The following SLC47A1 variants were observed in gnomAD, a reference collection of about 807,000 sequenced individuals.
SLC47A1 encodes solute carrier family 47 member 1.
In SLC47A1, 58 loss-of-function variants were observed where a neutral mutation model predicts 65.8. The observed-to-expected ratio is 0.88, with a 90% CI of 0.71 to 1.10. SLC47A1 has a LOEUF of 1.10. SLC47A1 is among the 50% of genes least tolerant of loss of function. The pLI is 0.00. For synonymous variants in SLC47A1, 285 were observed against 295.0 expected, an observed-to-expected ratio of 0.97 and a Z score of 0.35; for missense variants, 706 against 719.2, an observed-to-expected ratio of 0.98 and a Z score of 0.21.
chr17:19,539,181 G>A (rs1916072092), intron 1 of SLC47A1, among the ~76,000 whole-genome samples: 1 of 152,096 alleles, frequency 6.6e-6, no homozygotes, highest in Admixed American at 6.6e-5. Flanking sequence ...CAAGTGCTGC[G>A]ATTGCAGGGA....
Position 19,577,476 on chromosome 17 carries a change from C to T in SLC47A1, c.1636C>T (p.Arg546Ter), listed in dbSNP as rs777007184. 13 of 1,613,996 alleles carry T rather than the reference C, an allele frequency of 8.1e-6. No homozygotes were observed. Among genetic ancestry groups the T allele is most frequent in the Non-Finnish European group, 1.0e-5 (12 of 1,180,032 alleles). Residue 546 changes from arginine (R) to a stop codon, truncating the protein, a stop_gained, in exon 17 of 17, where the codon CGA becomes TGA. Transcript: ENST00000270570. LOFTEE classifies it low-confidence loss of function (END_TRUNC). Reference protein sequence around the residue: ...KLSRKQLVLRRGLLLLGVFLI... With the variant: ...KLSRKQLVLR ...GTCCAGGAAACAGCTGGTGCTGCGG[C>T]GAGGGCTTCTGCTCCTGGGGGTCTT...
Position 19,533,874 on chromosome 17 carries a change from T to C in SLC47A1, c.-66T>C, listed in dbSNP as rs2252281. On this transcript the variant is annotated 5_prime_UTR_variant, in exon 1 of 17. Transcript: ENST00000270570. ...TACCCACTGCCGGCCTGCGCGGTAC[T>C]CACTGCCGGCCTCCGCGGTACCCAC... 0.32 allele frequency: 445,379 copies of C among 1,378,710 alleles called. 74,717 individuals carry two copies. The highest frequency in any genetic ancestry group is 0.38 in the African/African-American group (22,903 of 60,852). The allele number at this position is 1,378,710 out of a possible 1,614,324, so 85.4% of individuals were successfully genotyped here. A position where few individuals can be genotyped will look rare whatever the true frequency, so the allele number is the denominator to read the frequency against.
At chr17:19,574,028 T>C (rs1597514627) in intron 16 of SLC47A1, among the ~76,000 whole-genome samples, 1 of 151,896 alleles carries the variant, frequency 6.6e-6, no homozygotes, top group Non-Finnish European at 1.5e-5. Context: ...GTTCAAGCGA[T>C]TCTCCTGCCT....
chr17:19,565,263 C>A (rs2084346738), intron 12 of SLC47A1, among the ~76,000 whole-genome samples: 1 of 152,184 alleles, frequency 6.6e-6, no homozygotes, highest in Admixed American at 6.5e-5. Context: ...CCTTTACCAA[C>A]CTTCGTTCCA....
chr17:19,546,308 A>G, intron 2 of SLC47A1, 127 bp from the exon 3 acceptor site: 1 of 885,416 alleles, frequency 1.1e-6, no homozygotes, highest in Non-Finnish European at 1.8e-6. Flanking sequence ...GCAGCTAACA[A>G]AGTTGGTAAA....
Position 19,578,973 on chromosome 17 carries a change from T to C in SLC47A1, c.*1420T>C, listed in dbSNP as rs769845131. 3.9e-5 allele frequency: 6 copies of C among 152,272 alleles called. No homozygotes were observed. Among genetic ancestry groups the C allele is most frequent in the Non-Finnish European group, 7.3e-5 (5 of 68,050 alleles). 9.4% of individuals were successfully genotyped at this position (152,272 alleles called of 1,614,324 possible). A position where few individuals can be genotyped will look rare whatever the true frequency, so the allele number is the denominator to read the frequency against. Reference sequence around the variant, plus strand: ...TTGTTCCGACATACCGAGGACCAACTGGTCTACATGGATGCCCTGAACATG... The same window carrying C: ...TTGTTCCGACATACCGAGGACCAACCGGTCTACATGGATGCCCTGAACATG... On this transcript the variant is annotated 3_prime_UTR_variant, in exon 17 of 17. Coordinates refer to ENST00000270570, the MANE Select transcript of SLC47A1 (RefSeq NM_018242.3).
intron 15 of SLC47A1, among the ~76,000 whole-genome samples, chr17:19,572,136 G>A (rs998489536): frequency 1.3e-5 from 2 of 152,104 alleles, no homozygotes; most frequent in African/African-American, 2.4e-5. Flanking sequence ...GTGATGGAGC[G>A]AGACCCTGTC....
chr17:19,567,298 G>C, intron 14 of SLC47A1, 70 bp downstream of exon 14: 1 of 1,599,690 alleles, frequency 6.3e-7, no homozygotes. Flanking sequence ...GGAGCACACG[G>C]GTCTTTGACT....
chr17:19,543,875 C>A (rs1916218653), intron 2 of SLC47A1, among the ~76,000 whole-genome samples: 1 of 152,194 alleles, frequency 6.6e-6, no homozygotes, highest in African/African-American at 2.4e-5. Flanking sequence ...GTTTGCTATC[C>A]ATGAACTACG....
At chr17:19,543,600 A>G (rs1156404994) in intron 2 of SLC47A1, among the ~76,000 whole-genome samples, 1 of 152,170 alleles carries the variant, frequency 6.6e-6, no homozygotes, top group East Asian at 1.9e-4. Context: ...AAAAATCTAG[A>G]TCTTTGTGTC....
rs745924374 is a variant in SLC47A1 at position 19,556,060 on chromosome 17, A to G, written c.919A>G (p.Met307Val). The stretch of plus-strand genomic sequence containing the variant: ...GTATGAACTGGCCATCATTGTGTAC[A>G]TGGTAAGCAGGGGAGCCGATCATGG... ...IVYELAIIVY[M>V]VPAGFSVAAS... The change falls in exon 10 of 17, where the codon ATG becomes GTG. Residue 307 changes from methionine (M) to valine (V), a missense_variant and splice_region_variant. Coordinates refer to ENST00000270570, the MANE Select transcript of SLC47A1 (RefSeq NM_018242.3). 13 of 1,613,842 alleles carry G rather than the reference A, an allele frequency of 8.1e-6. No individual in the cohort carries two copies. Among genetic ancestry groups the G allele is most frequent in the Admixed American group, 3.3e-5 (2 of 60,022 alleles).
intron 12 of SLC47A1, 36 bp downstream of exon 12, chr17:19,560,529 T>C (rs754915782): frequency 6.2e-7 from 1 of 1,602,834 alleles, no homozygotes; most frequent in South Asian, 1.1e-5. Context: ...GTGAAATCTG[T>C]GATAAAGAAA....
intron 1 of SLC47A1, chr17:19,534,901 T>A (rs1915948662): frequency 6.6e-6 from 1 of 151,836 alleles, no homozygotes; most frequent in Non-Finnish European, 1.5e-5. Context: ...ACCGAGAGGG[T>A]AGGACGCGGC....
intron 6 of SLC47A1, among the ~76,000 whole-genome samples, chr17:19,553,370 T>C (rs1916508459): frequency 6.6e-6 from 1 of 152,122 alleles, no homozygotes; most frequent in Non-Finnish European, 1.5e-5. Flanking sequence ...TCCATCGCAA[T>C]GGGTGGAATT....
intron 2 of SLC47A1, among the ~76,000 whole-genome samples, chr17:19,543,201 C>T (rs543140837): frequency 1.1e-3 from 167 of 151,406 alleles, no homozygotes; most frequent in Middle Eastern, 3.4e-3. Flanking sequence ...CCTCCGATTC[C>T]TGGGTTCAAG....
intron 4 of SLC47A1, among the ~76,000 whole-genome samples, chr17:19,548,341 G>C (rs1295164693): frequency 1.3e-5 from 2 of 152,084 alleles, no homozygotes; most frequent in Non-Finnish European, 2.9e-5. Context: ...ATGGTTAAGA[G>C]TTTTAAATGA....
chr17:19,550,809 C>T (rs1339329677), intron 5 of SLC47A1, among the ~76,000 whole-genome samples: 5 of 152,176 alleles, frequency 3.3e-5, no homozygotes, highest in African/African-American at 7.2e-5. Context: ...GGCCTGTGGA[C>T]GGCCACCCTC....
chr17:19,540,849 G>GACACACAC (rs144308134), intron 1 of SLC47A1, among the ~76,000 whole-genome samples: 5,493 of 142,976 alleles, frequency 0.038, 320 homozygotes, highest in African/African-American at 0.13. Context: ...TCCTACAACA[G>GACACACAC]ACACACACAC....
In SLC47A1 at chr17:19,577,777, T is replaced by C. The variant is rs2084452400; in HGVS notation, c.*224T>C. On this transcript the variant is annotated 3_prime_UTR_variant, in exon 17 of 17. Coordinates refer to ENST00000270570, the MANE Select transcript of SLC47A1 (RefSeq NM_018242.3). ...GTCTGAAAGATGACATGAGTAGTAA[T>C]TCACCACTATCTGAACCAAGCAAGG... The C allele has an allele frequency of 3.6e-6, 5 of 1,372,436 alleles. No homozygotes were observed. Among genetic ancestry groups the C allele is most frequent in the Non-Finnish European group, 2.8e-6 (3 of 1,062,936 alleles). 85.0% of individuals were successfully genotyped at this position (1,372,436 alleles called of 1,614,324 possible).
Sources: gnomAD v4.1 joint callset for allele counts (sites outside exome capture counted in the v4.1 genomes callset) on GRCh38, gnomAD v4.1.1 for gene constraint, MANE v1.5 for transcripts, NCBI Gene and HGNC (gene_info 2026-07-23, HGNC 2026-07-21) for gene names.